Variants in PPP2R3B observed in about 807,000 individuals in gnomAD.
PPP2R3B encodes serine/threonine-protein phosphatase 2A regulatory subunit B'' subunit beta.
PPP2R3B carries 68 observed loss-of-function variants against 72.9 expected under a neutral mutation model. The observed-to-expected ratio is 0.93, with a 90% confidence interval of 0.77 to 1.14. The LOEUF (loss-of-function observed/expected upper bound fraction) is 1.14, where lower values mean the gene tolerates loss of function less well. PPP2R3B is among the 50% of genes most tolerant of loss of function. The pLI is 0.00. For missense variants in PPP2R3B, 1,018 were observed against 842.0 expected, an observed-to-expected ratio of 1.21 and a Z score of -2.59; for synonymous variants, 466 against 375.8, an observed-to-expected ratio of 1.24 and a Z score of -2.78.
intron 1 of PPP2R3B, among the ~76,000 whole-genome samples, chrX:368,560 G>C (rs1179825209): frequency 1.9e-5 from 2 of 105,004 alleles, no homozygotes; most frequent in South Asian, 3.6e-4. Context: ...GGGCACCGAC[G>C]GGGGGAAGGC....
Position 334,206 on chromosome X carries a change from C to G in PPP2R3B, c.*161G>C. 1 of 888,196 alleles carries G rather than the reference C, an allele frequency of 1.1e-6. No homozygotes were observed. Among genetic ancestry groups the G allele is most frequent in the East Asian group, 3.5e-5 (1 of 28,770 alleles). 55.0% of individuals were successfully genotyped at this position (888,196 alleles called of 1,614,324 possible). A position where few individuals can be genotyped will look rare whatever the true frequency, so the allele number is the denominator to read the frequency against. ...GGCACAGAGCTCTGGGCAGGTCCAG[C>G]CACGAACCCACAGCGGCAATCAACA... On this transcript the variant is annotated 3_prime_UTR_variant, in exon 13 of 13. Transcript: ENST00000390665.
chrX:357,358 G>C (rs1024076660), intron 2 of PPP2R3B, among the ~76,000 whole-genome samples: 5 of 152,090 alleles, frequency 3.3e-5, no homozygotes, highest in Admixed American at 6.5e-5. Flanking sequence ...TGACAATACA[G>C]CTGGCCAAAC....
At chrX:377,937 G>T (rs939593455) in intron 1 of PPP2R3B, among the ~76,000 whole-genome samples, 2 of 134,314 alleles carry the variant, frequency 1.5e-5, no homozygotes, top group African/African-American at 5.8e-5. Context: ...CCATGGGGCT[G>T]TCTATACACT....
intron 2 of PPP2R3B, 114 bp from the exon 3 acceptor site, chrX:347,807 C>T (rs1282231181): frequency 6.8e-6 from 5 of 740,450 alleles, no homozygotes; most frequent in Non-Finnish European, 1.1e-5. Context: ...CAGAAAGACA[C>T]AGCACGCTCA....
In PPP2R3B at chrX:353,854, C is replaced by CTGGGGGCTCACCCAGGGAG. The variant is rs1318150573; in HGVS notation, c.511-6162_511-6161insCTCCCTGGGTGAGCCCCCA. Among the ~76,000 whole-genome samples, 9 of 93,214 alleles carry CTGGGGGCTCACCCAGGGAG rather than the reference C, an allele frequency of 9.7e-5. No individual in the cohort carries two copies. The East Asian group carries it at 1.9e-3, about 20-fold the overall frequency. The allele number at this position is 93,214 out of a possible 152,430, so 61.2% of individuals were successfully genotyped here. On this transcript the variant is annotated intron_variant, in intron 2 of 12. Coordinates refer to ENST00000390665, the MANE Select transcript of PPP2R3B (RefSeq NM_013239.5). The stretch of plus-strand genomic sequence containing the variant: ...CCAAAGACCGGGGCTCGCCCAGGGA[C>CTGGGGGCTCACCCAGGGAG]CGGGGGCTCACCCAAAGACCAGGGC...
intron 1 of PPP2R3B, among the ~76,000 whole-genome samples, chrX:383,232 C>A (rs1236244627): frequency 6.6e-6 from 1 of 152,172 alleles, no homozygotes; most frequent in Admixed American, 6.5e-5. Flanking sequence ...ACGCAAGGAG[C>A]TCACCTCAGA....
chrX:346,613 C>T lies in PPP2R3B; in HGVS notation c.792+88G>A, dbSNP rs1442773908. On this transcript the variant is annotated intron_variant, in intron 5 of 12. Coordinates refer to ENST00000390665, the MANE Select transcript of PPP2R3B (RefSeq NM_013239.5). ...AAGCTCAGGAACCCCGGGCCCCGCC[C>T]GCCCCGTCCGCAGAAGCCCCGCGGC... 1.4e-5 allele frequency: 19 copies of T among 1,312,954 alleles called. No homozygotes were observed. In the East Asian group the frequency reaches 2.8e-4, roughly 19 times the overall value. 81.3% of individuals were successfully genotyped at this position (1,312,954 alleles called of 1,614,324 possible). A position where few individuals can be genotyped will look rare whatever the true frequency, so the allele number is the denominator to read the frequency against.
At chrX:360,401 G>T (rs756756569) in intron 2 of PPP2R3B, among the ~76,000 whole-genome samples, 1 of 152,326 alleles carries the variant, frequency 6.6e-6, no homozygotes, top group South Asian at 2.1e-4. Context: ...AGGCATGGTG[G>T]TGCATGCCTA....
At chrX:359,108 A>G (rs1174156419) in intron 2 of PPP2R3B, among the ~76,000 whole-genome samples, 1 of 152,160 alleles carries the variant, frequency 6.6e-6, no homozygotes, top group East Asian at 1.9e-4. Context: ...GTGAGCTGCA[A>G]AAGAGGTGTC....
intron 6 of PPP2R3B, 119 bp from the exon 7 acceptor site, chrX:345,791 GACTGGGCAGCTGGGGCC>G: frequency 2.2e-6 from 1 of 450,564 alleles, no homozygotes; most frequent in Non-Finnish European, 4.0e-6. Context: ...GGGTGGGGGG[GACTGGGCAGCTGGGGCC>G]GGGGGGCACT....
At chrX:353,869 A>G (rs182845854) in intron 2 of PPP2R3B, among the ~76,000 whole-genome samples, 1,791 of 82,060 alleles carry the variant, frequency 0.022, 210 homozygotes, top group East Asian at 0.1. Flanking sequence ...GGCTCACCCA[A>G]AGACCAGGGC....
chrX:338,788 G>C lies in PPP2R3B; in HGVS notation c.1460C>G (p.Ser487Cys), dbSNP rs759881522. The change falls in exon 11 of 13, where the codon TCC (serine) becomes TGC (cysteine). Residue 487 changes from serine to cysteine, a missense_variant. Transcript: ENST00000390665. ...GCCCGCCGCACTCACCCTGAGCAGGGAGATCTGCTCTTTCTGCTCGTGGTC... is the reference window on the plus strand; with the variant it reads ...GCCCGCCGCACTCACCCTGAGCAGGCAGATCTGCTCTTTCTGCTCGTGGTC... ...YLDHEQKEQI[S>C]LLRDGDSGGP... The C allele has an allele frequency of 6.2e-7, 1 of 1,612,292 alleles. No individual in the cohort carries two copies. The highest frequency in any genetic ancestry group is 8.5e-7 in the Non-Finnish European group (1 of 1,179,564).
chrX:382,722 G>A (rs906727391), intron 1 of PPP2R3B, among the ~76,000 whole-genome samples: 41 of 152,050 alleles, frequency 2.7e-4, no homozygotes, highest in Non-Finnish European at 4.9e-4. Context: ...CGTTTGCACA[G>A]ACCTGACCTT....
chrX:353,516 C>T (rs1012157763), intron 2 of PPP2R3B, among the ~76,000 whole-genome samples: 7 of 152,204 alleles, frequency 4.6e-5, no homozygotes, highest in African/African-American at 1.7e-4. Flanking sequence ...AAAAATAACA[C>T]CCATTCTAAA....
At chrX:383,061 G>A (rs1455539559) in intron 1 of PPP2R3B, among the ~76,000 whole-genome samples, 3 of 152,174 alleles carry the variant, frequency 2.0e-5, no homozygotes, top group East Asian at 3.8e-4. Flanking sequence ...CAAGAGATGC[G>A]TCCTGGGGCC....
At position 361,598 on chromosome X, in the gene PPP2R3B, G is replaced by A; in HGVS notation, c.325-8C>T. 4 of 1,613,382 alleles carry A rather than the reference G, an allele frequency of 2.5e-6. No individual in the cohort carries two copies. Among genetic ancestry groups the A allele is most frequent in the Non-Finnish European group, 3.4e-6 (4 of 1,179,370 alleles). The stretch of plus-strand genomic sequence containing the variant: ...TTCTTTCCGTGTCTGAACCTGAAGA[G>A]TCGACAGACAGCGCTCAGTTAGAAC... On this transcript the variant is annotated splice_polypyrimidine_tract_variant and splice_region_variant and intron_variant, in intron 1 of 12. Transcript: ENST00000390665.
chrX:374,066 C>T (rs1162176371), intron 1 of PPP2R3B: 1 of 152,290 alleles, frequency 6.6e-6, no homozygotes, highest in African/African-American at 2.4e-5. Context: ...CTGGAGCGCG[C>T]ATCAACAGGT....
In PPP2R3B at chrX:346,629, G is replaced by T. The variant is rs189531391; in HGVS notation, c.792+72C>A. ...GGCCCCGCCCGCCCCGTCCGCAGAA[G>T]CCCCGCGGCGGCCGCTGCAGAAACA... On this transcript the variant is annotated intron_variant, in intron 5 of 12. Transcript: ENST00000390665. 0.012 allele frequency: 16,658 copies of T among 1,423,274 alleles called. 1,606 individuals carry two copies. The African/African-American group carries it at 0.21, about 18-fold the overall frequency. The allele number at this position is 1,423,274 out of a possible 1,614,324, so 88.2% of individuals were successfully genotyped here.
At chrX:371,955 A>G (rs1408786236) in intron 1 of PPP2R3B, among the ~76,000 whole-genome samples, 1 of 152,200 alleles carries the variant, frequency 6.6e-6, no homozygotes, top group Non-Finnish European at 1.5e-5. Context: ...TGTAAACGGA[A>G]TTCATGATTT....
Sources: allele counts gnomAD v4.1 joint callset (sites outside exome capture counted in the v4.1 genomes callset), GRCh38; gene constraint gnomAD v4.1.1; transcripts MANE v1.5; gene names NCBI Gene and HGNC (gene_info 2026-07-23, HGNC 2026-07-21).